Variants in PHLPP1 observed in about 807,000 individuals in gnomAD.
PHLPP1 encodes PH domain and leucine rich repeat protein phosphatase 1.
In PHLPP1, 42 loss-of-function variants were observed where a neutral mutation model predicts 117.2. The ratio of observed to expected loss-of-function variants is 0.36; its 90% CI spans 0.28 to 0.46. The LOEUF (loss-of-function observed/expected upper bound fraction) is 0.46. Among genes scored for constraint, PHLPP1 ranks in the 20% least tolerant of loss-of-function variants. The pLI is 1.00. For missense variants in PHLPP1, 2,084 were observed against 2,241.9 expected (o/e 0.93, Z 1.42); for synonymous variants, 1,042 against 970.7 (o/e 1.07, Z -1.37).
At chr18:62,926,427 C>T (rs550782468) in intron 10 of PHLPP1, among the ~76,000 whole-genome samples, 8 of 152,216 alleles carry the variant, frequency 5.3e-5, no homozygotes, top group African/African-American at 1.9e-4. Context: ...AGAGGCCCTT[C>T]GTAGATTATC....
intron 15 of PHLPP1, among the ~76,000 whole-genome samples, chr18:62,975,083 G>A (rs974293723): frequency 7.9e-5 from 12 of 152,200 alleles, no homozygotes; most frequent in African/African-American, 2.9e-4. Flanking sequence ...AGGGCAGTGT[G>A]GTTGATGAGG....
chr18:62,879,292 C>T (rs1214580401), intron 4 of PHLPP1, among the ~76,000 whole-genome samples: 1 of 152,180 alleles, frequency 6.6e-6, no homozygotes, highest in Non-Finnish European at 1.5e-5. Flanking sequence ...CATGGGATGA[C>T]ACAGCAAGAA....
chr18:62,951,497 C>T (rs1393158623), intron 12 of PHLPP1, among the ~76,000 whole-genome samples: 1 of 152,098 alleles, frequency 6.6e-6, no homozygotes, highest in Non-Finnish European at 1.5e-5. Flanking sequence ...TGACTCAGTC[C>T]TCAGAAGAAG....
At chr18:62,849,826 A>ATATATATAT (rs1371664083) in intron 3 of PHLPP1, among the ~76,000 whole-genome samples, 11 of 33,792 alleles carry the variant, frequency 3.3e-4, no homozygotes, top group Non-Finnish European at 5.2e-4. Flanking sequence ...AAAAAAAAAA[A>ATATATATAT]AAAAAAATAT....
At chr18:62,748,271 G>A (rs1474757188) in intron 1 of PHLPP1, among the ~76,000 whole-genome samples, 27 of 148,868 alleles carry the variant, frequency 1.8e-4, no homozygotes, top group Non-Finnish European at 3.3e-4. Context: ...TGAGATGAGG[G>A]TATCGCTCTG....
chr18:62,951,110 T>A (rs1399857247), intron 12 of PHLPP1, among the ~76,000 whole-genome samples: 2 of 152,056 alleles, frequency 1.3e-5, no homozygotes, highest in Admixed American at 1.3e-4. Flanking sequence ...GCCTCCCAAG[T>A]AGCTGGGACT....
At chr18:62,752,985 C>T (rs903842361) in intron 1 of PHLPP1, among the ~76,000 whole-genome samples, 4 of 152,122 alleles carry the variant, frequency 2.6e-5, no homozygotes, top group African/African-American at 7.2e-5. Context: ...CTGTGACATA[C>T]ATTTAAAAAT....
chr18:62,726,467 G>A (rs571045956), intron 1 of PHLPP1, among the ~76,000 whole-genome samples: 28 of 151,576 alleles, frequency 1.8e-4, no homozygotes, highest in African/African-American at 6.3e-4. Context: ...TAGGTTTTCA[G>A]GGTCTGTGTC....
intron 1 of PHLPP1, among the ~76,000 whole-genome samples, chr18:62,779,042 A>T (rs1269480180): frequency 1.3e-5 from 2 of 152,194 alleles, no homozygotes; most frequent in African/African-American, 4.8e-5. Flanking sequence ...AGACCCTGTC[A>T]TGCTCCTATT....
chr18:62,974,136 C>T (rs556652750), intron 15 of PHLPP1, among the ~76,000 whole-genome samples: 41 of 152,284 alleles, frequency 2.7e-4, no homozygotes, highest in Admixed American at 5.2e-4. Flanking sequence ...CTGAGAACCC[C>T]AGTCTCGGAT....
chr18:62,894,891 C>T, intron 4 of PHLPP1, 120 bp from the exon 5 acceptor site: 1 of 805,366 alleles, frequency 1.2e-6, no homozygotes. Context: ...CTCTGGGGCC[C>T]CCATTTCCTC....
At chr18:62,888,292 T>C (rs1185188211) in intron 4 of PHLPP1, among the ~76,000 whole-genome samples, 6 of 79,546 alleles carry the variant, frequency 7.5e-5, no homozygotes, top group African/African-American at 3.8e-4. Context: ...ACAAAATGTG[T>C]GTGTGTGTGT....
intron 9 of PHLPP1, among the ~76,000 whole-genome samples, chr18:62,916,605 G>GGTGTGTGT (rs71340133): frequency 2.7e-4 from 40 of 145,768 alleles, no homozygotes; most frequent in Non-Finnish European, 5.4e-4. Flanking sequence ...CAAGAGGGTG[G>GGTGTGTGT]GTGTGTGTGT....
intron 4 of PHLPP1, among the ~76,000 whole-genome samples, chr18:62,891,556 G>A (rs1393668519): frequency 6.6e-6 from 1 of 152,048 alleles, no homozygotes. Context: ...CTGCACTCCA[G>A]CCTAGATGAC....
intron 3 of PHLPP1, among the ~76,000 whole-genome samples, chr18:62,854,056 G>A (rs1012589958): frequency 6.6e-6 from 1 of 152,178 alleles, no homozygotes; most frequent in Non-Finnish European, 1.5e-5. Flanking sequence ...TCAAAGTCAC[G>A]TTGCTAGTAA....
At chr18:62,830,318 G>T (rs1914722059) in intron 2 of PHLPP1, 87 bp downstream of exon 2, 1 of 1,063,088 alleles carries the variant, frequency 9.4e-7, no homozygotes. Flanking sequence ...TCAACTCACT[G>T]CAACCTCTGC....
chr18:62,934,359 G>A (rs905428090), intron 10 of PHLPP1, among the ~76,000 whole-genome samples: 1 of 151,916 alleles, frequency 6.6e-6, no homozygotes, highest in African/African-American at 2.4e-5. Flanking sequence ...AAGAAAATAT[G>A]GTACATATAT....
chr18:62,856,382 G>A (rs1345520726), intron 3 of PHLPP1, among the ~76,000 whole-genome samples: 2 of 152,076 alleles, frequency 1.3e-5, no homozygotes, highest in Non-Finnish European at 2.9e-5. Flanking sequence ...GCCAGTCACT[G>A]TCTCCTTATT....
Position 62,978,243 on chromosome 18 carries a change from C to T in PHLPP1, c.3985-19C>T, listed in dbSNP as rs747386253. 1.5e-5 allele frequency: 22 copies of T among 1,509,760 alleles called. No homozygotes were observed. Among genetic ancestry groups the T allele is most frequent in the African/African-American group, 2.7e-5 (2 of 73,122 alleles). The allele number at this position is 1,509,760 out of a possible 1,614,324, so 93.5% of individuals were successfully genotyped here. On this transcript the variant is annotated intron_variant, in intron 16 of 16. Transcript: ENST00000262719. The surrounding 1 kb of genome is among the most constrained non-coding windows in gnomAD (Gnocchi z 7.0). ...GTGCTCTGTATTAACTGTCTGTCTG[C>T]AAACCCTTGTTCTTCCAGGATGGCA...
Sources: allele counts gnomAD v4.1 joint callset (sites outside exome capture counted in the v4.1 genomes callset), GRCh38; gene constraint gnomAD v4.1.1; non-coding constraint Gnocchi (gnomAD v3.1); transcripts MANE v1.5; gene names NCBI Gene and HGNC (gene_info 2026-07-23, HGNC 2026-07-21).